The following SORL1 variants were observed in gnomAD, a reference collection of about 807,000 sequenced individuals.
SORL1 encodes the protein sortilin related receptor 1.
Under a neutral mutation model 273.7 loss-of-function variants are expected in SORL1, and 127 were observed. The ratio of observed to expected loss-of-function variants is 0.46; its 90% confidence interval spans 0.40 to 0.54. SORL1 has a LOEUF of 0.54. Ranked by LOEUF, SORL1 falls within the 20% of genes least tolerant of loss-of-function variation. SORL1 has a pLI of 0.00. For synonymous variants in SORL1, 1,031 were observed against 1,067.4 expected, an observed-to-expected ratio of 0.97 and a Z score of 0.66; for missense variants, 2,494 against 2,846.1, an observed-to-expected ratio of 0.88 and a Z score of 2.81.
In SORL1 at chr11:121,514,199, C is replaced by T; in HGVS notation, c.1089C>T (p.Val363=). The T allele has an allele frequency of 6.2e-7, 1 of 1,614,158 alleles. No homozygotes were observed. Among genetic ancestry groups the T allele is most frequent in the East Asian group, 2.2e-5 (1 of 44,882 alleles). Residue 363 remains valine, a synonymous_variant, in exon 8 of 48, where the codon GTC becomes GTT. Coordinates refer to ENST00000260197, the MANE Select transcript of SORL1 (RefSeq NM_003105.6). The part of the protein sequence containing the change: ...DASEDQVFVC[V]SHSNNRTNLY... ...CCGAGGACCAGGTGTTTGTGTGTGT[C>T]AGCCACAGTAACAACCGCACCAATT...
intron 24 of SORL1, chr11:121,576,837 G>C: frequency 6.5e-7 from 1 of 1,534,204 alleles, no homozygotes; most frequent in Non-Finnish European, 8.7e-7. Flanking sequence ...AGCATCTCAC[G>C]GTGATCAGCT....
At chr11:121,626,358 G>A (rs904217626) in intron 46 of SORL1, 1 of 152,046 alleles carries the variant, frequency 6.6e-6, no homozygotes, top group Non-Finnish European at 1.5e-5. Context: ...TCATTGTGCC[G>A]ACTTCCTCTT....
chr11:121,584,855 A>G (rs1043038126), intron 26 of SORL1, among the ~76,000 whole-genome samples: 5 of 152,188 alleles, frequency 3.3e-5, no homozygotes, highest in African/African-American at 4.8e-5. Flanking sequence ...TGGCCTCCCA[A>G]AGTGCTGCGA....
chr11:121,540,814 AT>A lies in SORL1; in HGVS notation c.1686-2732del, dbSNP rs1862337153. 2.0e-5 allele frequency among the ~76,000 whole-genome samples: 3 copies of A among 152,226 alleles called. No individual in the cohort carries two copies. The South Asian group carries it at 6.2e-4, about 32-fold the overall frequency. ...CTGGGAACTCTCAAGAAATGGGGTG[AT>A]TCATTTCCTGAGGTTATGTTGGGTT... On this transcript the variant is annotated intron_variant, in intron 12 of 47. Transcript: ENST00000260197.
chr11:121,494,149 C>T (rs772857288), intron 5 of SORL1, among the ~76,000 whole-genome samples: 12 of 152,104 alleles, frequency 7.9e-5, no homozygotes, highest in Non-Finnish European at 1.5e-4. Context: ...AGGGAACATA[C>T]AATTTAGAAA....
chr11:121,542,373 T>G (rs1862360805), intron 12 of SORL1, among the ~76,000 whole-genome samples: 1 of 152,232 alleles, frequency 6.6e-6, no homozygotes, highest in African/African-American at 2.4e-5. Context: ...GTTTAGTCAT[T>G]GCATTTGGCT....
chr11:121,621,113 A>T lies in SORL1; in HGVS notation c.5939A>T (p.Tyr1980Phe), dbSNP rs752909176. ...KDLIRKTDRSYKVKSRNSTVE... is the reference protein window; with the variant it reads ...KDLIRKTDRSFKVKSRNSTVE... ...CTCATAAGAAAGACTGACAGGAGCT[A>T]CAAAGTAAAATCCCGTAACAGCACT... is the stretch of plus-strand genomic sequence containing the variant. Residue 1980 changes from tyrosine to phenylalanine, a missense_variant, in exon 44 of 48, where the codon TAC (tyrosine) becomes TTC (phenylalanine). This residue lies in a region of SORL1 where 1,609 missense variants were observed against 1,816.4 expected (regional missense o/e 0.89). Coordinates refer to ENST00000260197, the MANE Select transcript of SORL1 (RefSeq NM_003105.6). 3 of 1,613,906 alleles carry T rather than the reference A, an allele frequency of 1.9e-6. No individual in the cohort carries two copies. Among genetic ancestry groups the T allele is most frequent in the Non-Finnish European group, 2.5e-6 (3 of 1,179,772 alleles).
chr11:121,496,777 T>A, intron 5 of SORL1, 92 bp from the exon 6 acceptor site: 1 of 1,059,928 alleles, frequency 9.4e-7, no homozygotes, highest in East Asian at 2.5e-5. Context: ...ATGGTAGGCC[T>A]AAACTCTAGT....
intron 2 of SORL1, among the ~76,000 whole-genome samples, chr11:121,473,927 C>G (rs1861216845): frequency 6.6e-6 from 1 of 152,036 alleles, no homozygotes; most frequent in African/African-American, 2.4e-5. Context: ...AAGAATCAAC[C>G]AGGGAAGATA....
At chr11:121,577,512 A>G in intron 25 of SORL1, 112 bp downstream of exon 25, 1 of 1,218,950 alleles carries the variant, frequency 8.2e-7, no homozygotes, top group East Asian at 2.7e-5. Flanking sequence ...TGGACCTTAG[A>G]AATCAGCGAG....
intron 22 of SORL1, among the ~76,000 whole-genome samples, chr11:121,569,480 C>G (rs527943380): frequency 2.0e-5 from 3 of 152,158 alleles, no homozygotes; most frequent in Admixed American, 2.0e-4. Flanking sequence ...AAAGAGAATG[C>G]GTCCCTGAGG....
intron 27 of SORL1, 124 bp from the exon 28 acceptor site, chr11:121,587,896 T>C (rs546873383): frequency 1.8e-6 from 2 of 1,135,110 alleles, no homozygotes; most frequent in East Asian, 2.5e-5. Context: ...AAGTGCTCAA[T>C]AAATTGTGGC....
At position 121,478,241 on chromosome 11, in the gene SORL1, C is replaced by T. The variant is rs546537917; in HGVS notation, c.526C>T (p.Arg176Trp). Reference sequence around the variant, plus strand: ...CTACCACAGCCCTGCGGACAACAAGCGGGTAAGGAAGTGGCCATCCCTCCT... The same window carrying T: ...CTACCACAGCCCTGCGGACAACAAGTGGGTAAGGAAGTGGCCATCCCTCCT... Reference protein sequence around the residue: ...QFYHSPADNKRYIFADAYAQY... With the variant: ...QFYHSPADNKWYIFADAYAQY... Residue 176 changes from arginine (R) to tryptophan (W), a missense_variant and splice_region_variant, in exon 3 of 48, where the codon CGG becomes TGG. Arg to Trp is a moderately radical substitution (Grantham distance 101). This residue lies in a region of SORL1 where 710 missense variants were observed against 882.5 expected (regional missense o/e 0.80). Transcript: ENST00000260197. 41 of 1,613,718 alleles carry T rather than the reference C, an allele frequency of 2.5e-5. No individual in the cohort carries two copies. Among genetic ancestry groups the T allele is most frequent in the African/African-American group, 6.7e-5 (5 of 75,004 alleles).
intron 11 of SORL1, among the ~76,000 whole-genome samples, chr11:121,524,212 G>T (rs1008757211): frequency 6.6e-6 from 1 of 152,250 alleles, no homozygotes; most frequent in African/African-American, 2.4e-5. Flanking sequence ...GGAGCTGGAC[G>T]CTCCCTTTGA....
At chr11:121,604,163 G>A (rs138026768) in intron 32 of SORL1, 30 bp from the exon 33 acceptor site, 33 of 1,611,974 alleles carry the variant, frequency 2.0e-5, no homozygotes, top group Admixed American at 1.7e-4. Context: ...GCCCCTCCCC[G>A]TGGACTTAAG....
intron 39 of SORL1, chr11:121,611,712 C>G (rs1271132381): frequency 6.6e-6 from 1 of 152,494 alleles, no homozygotes; most frequent in Non-Finnish European, 1.5e-5. Flanking sequence ...TCCTTCTTAT[C>G]TGTCCCTCCT....
At chr11:121,463,354 A>G (rs951582429) in intron 1 of SORL1, among the ~76,000 whole-genome samples, 1 of 152,144 alleles carries the variant, frequency 6.6e-6, no homozygotes, top group Non-Finnish European at 1.5e-5. Context: ...AGCCCCTCCC[A>G]AAACAGCAAA....
chr11:121,508,987 C>T (rs1206981944), intron 6 of SORL1, among the ~76,000 whole-genome samples: 1 of 152,164 alleles, frequency 6.6e-6, no homozygotes, highest in Non-Finnish European at 1.5e-5. Flanking sequence ...ATGACCTCCC[C>T]ACGTGCCCTC....
At chr11:121,532,620 T>C in intron 12 of SORL1, 68 bp downstream of exon 12, 5 of 1,301,792 alleles carry the variant, frequency 3.8e-6, no homozygotes. Flanking sequence ...GTGATTATAA[T>C]TGGATTATCT....
Sources: allele counts gnomAD v4.1 joint callset (sites outside exome capture counted in the v4.1 genomes callset), GRCh38; gene constraint gnomAD v4.1.1; regional missense constraint gnomAD v4.1.1; transcripts MANE v1.5; gene names NCBI Gene and HGNC (gene_info 2026-07-23, HGNC 2026-07-21).